PAX5: variants seen among roughly 807,000 people sequenced by gnomAD.
PAX5 encodes the protein paired box protein Pax-5.
A neutral mutation model predicts 43.7 loss-of-function variants in PAX5; 9 were observed. The ratio of observed to expected loss-of-function variants is 0.21; its 90% CI spans 0.12 to 0.36. The LOEUF is 0.36. PAX5 is among the 10% of genes least tolerant of loss of function. The pLI, the probability that PAX5 is intolerant of heterozygous loss-of-function variation, is 1.00. For missense variants in PAX5, 383 were observed against 532.7 expected, an observed-to-expected ratio of 0.72 and a Z score of 2.77; for synonymous variants, 228 against 214.3, an observed-to-expected ratio of 1.06 and a Z score of -0.56.
chr9:37,008,070 T>G (rs1838614047), intron 3 of PAX5: 2 of 152,272 alleles, frequency 1.3e-5, no homozygotes, highest in Non-Finnish European at 2.9e-5. Context: ...TTTTTTGTTT[T>G]TCTTTTTGAG....
intron 5 of PAX5, among the ~76,000 whole-genome samples, chr9:37,002,337 A>T (rs931812999): frequency 6.6e-6 from 1 of 152,128 alleles, no homozygotes; most frequent in African/African-American, 2.4e-5. Context: ...GCATATCTGC[A>T]CGCACACAGG....
At chr9:37,001,151 T>A (rs1837815868) in intron 5 of PAX5, among the ~76,000 whole-genome samples, 1 of 152,224 alleles carries the variant, frequency 6.6e-6, no homozygotes, top group African/African-American at 2.4e-5. Context: ...GGCAAAACCA[T>A]GACTGCTGGT....
chr9:36,999,393 G>T (rs984264452), intron 5 of PAX5, among the ~76,000 whole-genome samples: 2 of 152,156 alleles, frequency 1.3e-5, no homozygotes, highest in Admixed American at 6.5e-5. Flanking sequence ...CTCACCCACT[G>T]CCCTCCTCAT....
At chr9:36,843,823 C>A (rs1349124161) in intron 9 of PAX5, among the ~76,000 whole-genome samples, 2 of 152,182 alleles carry the variant, frequency 1.3e-5, no homozygotes, top group African/African-American at 4.8e-5. Context: ...GTGGCAAAGG[C>A]ATCCAGCTTT....
At chr9:36,855,289 A>G (rs1239601791) in intron 8 of PAX5, among the ~76,000 whole-genome samples, 1 of 152,194 alleles carries the variant, frequency 6.6e-6, no homozygotes, top group Non-Finnish European at 1.5e-5. Context: ...CAGGACTTCC[A>G]TCTATCTAGA....
chr9:36,924,200 C>G (rs1033982816), intron 6 of PAX5, among the ~76,000 whole-genome samples: 1 of 152,196 alleles, frequency 6.6e-6, no homozygotes, highest in African/African-American at 2.4e-5. Context: ...CCACACCAAC[C>G]ATGTGTATTT....
intron 1 of PAX5, among the ~76,000 whole-genome samples, chr9:37,033,364 C>T (rs1411064): frequency 0.95 from 144,057 of 152,306 alleles, 68,468 homozygotes; most frequent in Non-Finnish European, 0.99. Context: ...GTGTATGCAT[C>T]GGACAGCCGT....
rs534893220 is a variant in PAX5 at position 36,939,637 on chromosome 9, T to C, written c.781-16153A>G. 2.6e-5 allele frequency among the ~76,000 whole-genome samples: 4 copies of C among 152,302 alleles called. No individual in the cohort carries two copies. The East Asian group carries it at 7.7e-4, about 29-fold the overall frequency. ...GAAAATAGCATCTGTAATTGGAGAT[T>C]ATGAAGTATGGCCAGCTCCTGACAG... is the stretch of plus-strand genomic sequence containing the variant. On this transcript the variant is annotated intron_variant, in intron 6 of 9. Transcript: ENST00000358127.
intron 7 of PAX5, among the ~76,000 whole-genome samples, chr9:36,918,041 T>C (rs1206518745): frequency 1.3e-5 from 2 of 152,200 alleles, no homozygotes; most frequent in African/African-American, 4.8e-5. Flanking sequence ...CCCTCATCTC[T>C]CTTCTTCTCC....
At chr9:36,886,691 C>A (rs1164554177) in intron 7 of PAX5, among the ~76,000 whole-genome samples, 4 of 152,016 alleles carry the variant, frequency 2.6e-5, no homozygotes, top group African/African-American at 9.7e-5. Context: ...TTTTTTTAAC[C>A]AAGGAAGAAA....
chr9:36,979,388 G>T (rs1460291271), intron 5 of PAX5, among the ~76,000 whole-genome samples: 1 of 152,170 alleles, frequency 6.6e-6, no homozygotes, highest in Admixed American at 6.5e-5. Flanking sequence ...CTTTTATGTA[G>T]TTAAATTGAC....
chr9:36,907,584 A>G (rs1480951577), intron 7 of PAX5, among the ~76,000 whole-genome samples: 2 of 152,208 alleles, frequency 1.3e-5, no homozygotes, highest in Non-Finnish European at 2.9e-5. Flanking sequence ...GGGGCTGTTC[A>G]GCCACACTGC....
chr9:36,887,533 C>T (rs1330708675), intron 7 of PAX5, among the ~76,000 whole-genome samples: 1 of 152,156 alleles, frequency 6.6e-6, no homozygotes, highest in African/African-American at 2.4e-5. Flanking sequence ...AAATAAAACT[C>T]TACAAGTACT....
At chr9:36,975,870 C>T (rs575547395) in intron 5 of PAX5, among the ~76,000 whole-genome samples, 9 of 152,260 alleles carry the variant, frequency 5.9e-5, no homozygotes, top group Non-Finnish European at 2.9e-5. Context: ...TTTTCCCCTG[C>T]TAAAGTATGA....
In PAX5 at chr9:36,861,003, T is replaced by A. The variant is rs867628007; in HGVS notation, c.1013-14074A>T. 46 of 151,984 alleles carry A rather than the reference T, an allele frequency of 3.0e-4. No homozygotes were observed. The Middle Eastern group carries it at 0.014, about 46-fold the overall frequency. The allele number at this position is 151,984 out of a possible 1,614,324, so 9.4% of individuals were successfully genotyped here. On this transcript the variant is annotated intron_variant, in intron 8 of 9. Transcript: ENST00000358127. ...CCAGCCCACACACCTGGCTGAGAGA[T>A]GGCTCTGCAGGGAGGGAGTCAGCAG...
At chr9:36,967,028 C>A (rs547281061) in intron 5 of PAX5, among the ~76,000 whole-genome samples, 2 of 152,330 alleles carry the variant, frequency 1.3e-5, no homozygotes, top group Non-Finnish European at 2.9e-5. Flanking sequence ...GATGAGAAGA[C>A]TGAGACCTAG....
chr9:36,942,267 T>C (rs957467314), intron 6 of PAX5, among the ~76,000 whole-genome samples: 4 of 152,238 alleles, frequency 2.6e-5, no homozygotes, highest in African/African-American at 9.6e-5. Flanking sequence ...GGGGAAAGAC[T>C]TGATCAAGGG....
chr9:36,869,652 C>T (rs2131696430), intron 8 of PAX5, among the ~76,000 whole-genome samples: 1 of 152,364 alleles, frequency 6.6e-6, no homozygotes, highest in South Asian at 2.1e-4. Context: ...CCTGTTACCA[C>T]AACTGGCCCC....
rs575150313 is a variant in PAX5, at chr9:36,846,598, C to T, written c.1099+245G>A. ...AATGCCCCTTTTTTCCTCTGTTTCC[C>T]TTCTGTGCCATTTTTCCTAACCCAC... On this transcript the variant is annotated intron_variant, in intron 9 of 9. Coordinates refer to ENST00000358127, the MANE Select transcript of PAX5 (RefSeq NM_016734.3). Among the ~76,000 whole-genome samples the T allele has an allele frequency of 2.0e-5, 3 of 152,268 alleles. No homozygotes were observed. In the East Asian group the frequency reaches 5.8e-4, roughly 29 times the overall value.
Sources: gnomAD v4.1 joint callset for allele counts (sites outside exome capture counted in the v4.1 genomes callset) on GRCh38, gnomAD v4.1.1 for gene constraint, MANE v1.5 for transcripts, NCBI Gene and HGNC (gene_info 2026-07-23, HGNC 2026-07-21) for gene names.